The following PTPRM variants were observed in gnomAD, a reference collection of about 807,000 sequenced individuals.
PTPRM encodes protein tyrosine phosphatase receptor type M.
In PTPRM, 47 loss-of-function variants were observed where a neutral mutation model predicts 186.7. The ratio of observed to expected loss-of-function variants is 0.25; its 90% confidence interval spans 0.20 to 0.32. PTPRM has a LOEUF of 0.32. Ranked by LOEUF, PTPRM falls within the 10% of genes least tolerant of loss-of-function variation. The pLI is 1.00. For missense variants in PTPRM, 1,494 were observed against 1,865.0 expected, an observed-to-expected ratio of 0.80 and a Z score of 3.66; for synonymous variants, 668 against 674.9, an observed-to-expected ratio of 0.99 and a Z score of 0.16.
At chr18:8,067,395 C>T (rs1373813794) in intron 7 of PTPRM, among the ~76,000 whole-genome samples, 7 of 152,140 alleles carry the variant, frequency 4.6e-5, no homozygotes, top group Non-Finnish European at 1.0e-4. Flanking sequence ...TTATTTATGA[C>T]ATTTTCCCAA....
intron 7 of PTPRM, among the ~76,000 whole-genome samples, chr18:8,058,111 A>G (rs2088166665): frequency 7.8e-6 from 1 of 128,752 alleles, no homozygotes; most frequent in African/African-American, 3.2e-5. Flanking sequence ...CCTCTCCAGC[A>G]CCTGTTGTGT....
At chr18:7,753,156 G>A (rs567817811) in intron 1 of PTPRM, among the ~76,000 whole-genome samples, 1 of 152,148 alleles carries the variant, frequency 6.6e-6, no homozygotes, top group Admixed American at 6.5e-5. Context: ...TAGTAGTTTT[G>A]TAAATCATCC....
intron 11 of PTPRM, among the ~76,000 whole-genome samples, chr18:8,093,835 A>G (rs1242712234): frequency 2.6e-5 from 4 of 152,230 alleles, no homozygotes; most frequent in Non-Finnish European, 4.4e-5. Context: ...AAATTTCACA[A>G]TGTGCCATGG....
intron 1 of PTPRM, among the ~76,000 whole-genome samples, chr18:7,690,253 C>T (rs981012122): frequency 6.6e-6 from 1 of 152,152 alleles, no homozygotes; most frequent in Admixed American, 6.6e-5. Context: ...AGGTGGTCAC[C>T]AGTGTGCAGT....
At chr18:8,093,653 A>C (rs2090869946) in intron 11 of PTPRM, among the ~76,000 whole-genome samples, 1 of 152,090 alleles carries the variant, frequency 6.6e-6, no homozygotes, top group Non-Finnish European at 1.5e-5. Context: ...CCTGACCCCA[A>C]ATCTATATAA....
At chr18:7,693,137 A>G (rs1164154656) in intron 1 of PTPRM, among the ~76,000 whole-genome samples, 1 of 152,208 alleles carries the variant, frequency 6.6e-6, no homozygotes, top group Non-Finnish European at 1.5e-5. Context: ...GTTGGACTGC[A>G]GACCAGCCTG....
chr18:8,137,872 CTG>C (rs983826000), intron 13 of PTPRM, among the ~76,000 whole-genome samples: 12 of 152,150 alleles, frequency 7.9e-5, no homozygotes, highest in Non-Finnish European at 1.5e-4. Flanking sequence ...CAGCTGGACT[CTG>C]TAGCTTACCT....
chr18:7,886,908 T>C (rs569586409), intron 2 of PTPRM, among the ~76,000 whole-genome samples: 10 of 152,354 alleles, frequency 6.6e-5, no homozygotes, highest in South Asian at 4.1e-4. Context: ...AAAAGTGGTC[T>C]TCTTGTTTTG....
intron 4 of PTPRM, among the ~76,000 whole-genome samples, chr18:7,920,721 C>G (rs1025884492): frequency 1.3e-5 from 2 of 152,118 alleles, no homozygotes; most frequent in Non-Finnish European, 2.9e-5. Flanking sequence ...TTTCTTGTTG[C>G]ACATTAGTGT....
chr18:7,899,208 C>T (rs2049529088), intron 3 of PTPRM, among the ~76,000 whole-genome samples: 1 of 152,166 alleles, frequency 6.6e-6, no homozygotes, highest in African/African-American at 2.4e-5. Flanking sequence ...AAGCATGGCA[C>T]TAACTAGACC....
chr18:7,785,394 A>G (rs1346492542), intron 2 of PTPRM, among the ~76,000 whole-genome samples: 1 of 152,170 alleles, frequency 6.6e-6, no homozygotes, highest in Non-Finnish European at 1.5e-5. Flanking sequence ...GTGTTAAAAG[A>G]TATAAGTGTT....
At chr18:8,352,647 G>GTTTT (rs2095540748) in intron 23 of PTPRM, among the ~76,000 whole-genome samples, 1 of 87,048 alleles carries the variant, frequency 1.1e-5, no homozygotes. Flanking sequence ...TTTTTTTTTT[G>GTTTT]GTTTGGTTTT....
chr18:8,153,921 T>G (rs2093065322), intron 14 of PTPRM, among the ~76,000 whole-genome samples: 1 of 152,230 alleles, frequency 6.6e-6, no homozygotes, highest in South Asian at 2.1e-4. Flanking sequence ...AAAACTCAAC[T>G]AGATGATCTC....
chr18:8,047,828 TG>T (rs2087171001), intron 7 of PTPRM, among the ~76,000 whole-genome samples: 1 of 152,186 alleles, frequency 6.6e-6, no homozygotes, highest in Admixed American at 6.5e-5. Context: ...CAAGGATGTC[TG>T]GAACTTTTTC....
At chr18:8,364,121 A>G (rs890581539) in intron 23 of PTPRM, among the ~76,000 whole-genome samples, 2 of 152,226 alleles carry the variant, frequency 1.3e-5, no homozygotes, top group African/African-American at 4.8e-5. Context: ...ATCTTCAAGG[A>G]TGTTTCCCAA....
At position 7,744,529 on chromosome 18, in the gene PTPRM, A is replaced by G. The variant is rs146062184; in HGVS notation, c.74-29620A>G. On this transcript the variant is annotated intron_variant, in intron 1 of 32. Transcript: ENST00000580170. ...TTTCCTCTCATAGAATTTAAGATCT[A>G]TATGATTGGCTTATTATGTTTATTG... Among the ~76,000 whole-genome samples the G allele has an allele frequency of 3.4e-3, 520 of 152,306 alleles. 7 individuals carry two copies. Among genetic ancestry groups the G allele is most frequent in the African/African-American group, 0.012 (485 of 41,574 alleles).
In PTPRM at chr18:8,004,253, A is replaced by T. The variant is rs146378409; in HGVS notation, c.1132+48839A>T. Among the ~76,000 whole-genome samples the T allele has an allele frequency of 9.6e-3, 1,455 of 152,148 alleles. 7 individuals are homozygous for T. Among genetic ancestry groups the T allele is most frequent in the South Asian group, 0.033 (160 of 4,820 alleles). ...GGTTGAGAGGGGCATGTTGGATAAG[A>T]CCCTTATGAAAGGGATCCATAGAAT... On this transcript the variant is annotated intron_variant, in intron 7 of 32. Coordinates refer to ENST00000580170, the MANE Select transcript of PTPRM (RefSeq NM_001105244.2).
chr18:8,173,107 A>T (rs2093429153), intron 14 of PTPRM, among the ~76,000 whole-genome samples: 1 of 152,226 alleles, frequency 6.6e-6, no homozygotes, highest in Non-Finnish European at 1.5e-5. Flanking sequence ...GCCCTAAGCT[A>T]GGTGCCGAGT....
intron 4 of PTPRM, among the ~76,000 whole-genome samples, chr18:7,913,916 G>T (rs962164872): frequency 9.9e-5 from 15 of 151,996 alleles, no homozygotes; most frequent in Non-Finnish European, 1.8e-4. Flanking sequence ...TATTACTTGG[G>T]CAATAGAAAA....
Sources: allele counts gnomAD v4.1 joint callset (sites outside exome capture counted in the v4.1 genomes callset), GRCh38; gene constraint gnomAD v4.1.1; transcripts MANE v1.5; gene names NCBI Gene and HGNC (gene_info 2026-07-23, HGNC 2026-07-21).